Variants in ANKDD1B observed in about 807,000 individuals in gnomAD.
ANKDD1B encodes the protein ankyrin repeat and death domain-containing protein 1B.
In ANKDD1B, 57 loss-of-function variants were observed where a neutral mutation model predicts 59.7. The ratio of observed to expected loss-of-function variants is 0.95; its 90% CI spans 0.77 to 1.19. ANKDD1B has a LOEUF of 1.19. Ranked by LOEUF, ANKDD1B falls within the 50% of genes most tolerant of loss-of-function variation. ANKDD1B has a pLI of 0.00. For missense variants in ANKDD1B, 602 were observed against 641.9 expected (o/e 0.94, Z 0.67); for synonymous variants, 216 against 239.5 (o/e 0.90, Z 0.91).
chr5:75,668,283 T>C (rs187864927), intron 12 of ANKDD1B, among the ~76,000 whole-genome samples: 2 of 152,250 alleles, frequency 1.3e-5, no homozygotes, highest in East Asian at 3.9e-4. Flanking sequence ...TATAATCTAG[T>C]TGGCACAATA....
At chr5:75,664,540 A>G (rs1187937769) in intron 11 of ANKDD1B, among the ~76,000 whole-genome samples, 1 of 151,922 alleles carries the variant, frequency 6.6e-6, no homozygotes, top group Non-Finnish European at 1.5e-5. Context: ...CTCAGGCTCA[A>G]TTTCTTAAAT....
chr5:75,621,506 T>A (rs917847585), intron 3 of ANKDD1B, among the ~76,000 whole-genome samples: 2 of 152,140 alleles, frequency 1.3e-5, no homozygotes, highest in African/African-American at 4.8e-5. Flanking sequence ...GGGTATATAG[T>A]AAGTGTACGT....
intron 8 of ANKDD1B, among the ~76,000 whole-genome samples, chr5:75,654,776 T>C (rs1774922205): frequency 6.6e-6 from 1 of 152,184 alleles, no homozygotes; most frequent in Admixed American, 6.5e-5. Flanking sequence ...ATCATTAATA[T>C]CAGCTATTCC....
At chr5:75,633,519 G>C (rs1279564631) in intron 5 of ANKDD1B, among the ~76,000 whole-genome samples, 2 of 152,042 alleles carry the variant, frequency 1.3e-5, no homozygotes, top group Non-Finnish European at 2.9e-5. Flanking sequence ...ATTTTATCAA[G>C]TGTTAGATGA....
intron 7 of ANKDD1B, among the ~76,000 whole-genome samples, chr5:75,639,017 G>A (rs1271837101): frequency 6.6e-5 from 10 of 152,200 alleles, no homozygotes; most frequent in Admixed American, 6.5e-4. Context: ...ATCCTTAGAA[G>A]TAGATTGTAG....
intron 9 of ANKDD1B, among the ~76,000 whole-genome samples, chr5:75,656,785 G>A (rs1265637587): frequency 6.6e-6 from 1 of 152,198 alleles, no homozygotes; most frequent in East Asian, 1.9e-4. Flanking sequence ...CCAGGGTCCC[G>A]AGGCCAGATG....
Position 75,671,665 on chromosome 5 carries a change from A to G in ANKDD1B, c.*625A>G, listed in dbSNP as rs1579987907. 6.6e-6 allele frequency: 1 copy of G among 151,154 alleles called. No individual in the cohort carries two copies. Among genetic ancestry groups the G allele is most frequent in the East Asian group, 1.9e-4 (1 of 5,168 alleles). The allele number at this position is 151,154 out of a possible 1,614,324, so 9.4% of individuals were successfully genotyped here. ...TTAAATCACACATTTTGTGTAATAT[A>G]TTACTTAGGAAAGACCAGAAGTATG... On this transcript the variant is annotated 3_prime_UTR_variant, in exon 14 of 14. Coordinates refer to ENST00000601380, the MANE Select transcript of ANKDD1B (RefSeq NM_001276713.2).
chr5:75,654,834 C>T (rs1774924791), intron 8 of ANKDD1B, among the ~76,000 whole-genome samples: 1 of 152,144 alleles, frequency 6.6e-6, no homozygotes. Context: ...TCGTAGGCGC[C>T]TGTTCCCTCT....
intron 7 of ANKDD1B, among the ~76,000 whole-genome samples, chr5:75,641,341 G>C (rs1217842491): frequency 1.3e-5 from 2 of 152,120 alleles, no homozygotes; most frequent in African/African-American, 2.4e-5. Context: ...AGATGGTTTA[G>C]TTTCTTTTTC....
At position 75,625,881 on chromosome 5, in the gene ANKDD1B, C is replaced by T; in HGVS notation, c.526C>T (p.Gln176Ter). 8 of 1,536,346 alleles carry T rather than the reference C, an allele frequency of 5.2e-6. No individual in the cohort carries two copies. The highest frequency in any genetic ancestry group is 7.0e-6 in the Non-Finnish European group (8 of 1,146,922). The part of the protein sequence containing the change: ...DGMSALHFAT[Q>*]SNHVRIVEYL... ...AATGAGCGCCCTCCACTTTGCCACT[C>T]AGAGCAATCATGTGCGCATCGTGGA... The change falls in exon 5 of 14, where the codon CAG (glutamine) becomes TAG (stop). Residue 176 changes from glutamine to a stop codon, truncating the protein, a stop_gained. Transcript: ENST00000601380. LOFTEE classifies it high-confidence loss of function.
At chr5:75,658,328 T>A (rs1336239901) in intron 9 of ANKDD1B, among the ~76,000 whole-genome samples, 1 of 152,202 alleles carries the variant, frequency 6.6e-6, no homozygotes, top group Non-Finnish European at 1.5e-5. Flanking sequence ...TCTGGGGTAG[T>A]TGCTTCCCTT....
chr5:75,661,338 A>G (rs1480881449), intron 10 of ANKDD1B, among the ~76,000 whole-genome samples: 9 of 137,128 alleles, frequency 6.6e-5, no homozygotes, highest in Middle Eastern at 3.9e-3. Flanking sequence ...CGGAGGTTGC[A>G]GTGAGCCGAG....
Position 75,620,386 on chromosome 5 carries a change from C to G in ANKDD1B, c.369C>G (p.His123Gln). The change falls in exon 3 of 14, where the codon CAC (histidine) becomes CAG (glutamine). Residue 123 changes from histidine to glutamine, a missense_variant. Around this residue, in one of 3 missense-constraint regions of ANKDD1B, gnomAD observed 317 missense variants for 304.6 expected, o/e 1.04. Coordinates refer to ENST00000601380, the MANE Select transcript of ANKDD1B (RefSeq NM_001276713.2). ...HLSAVDFLLK[H>Q]KARVDVADKH... Reference sequence around the variant, plus strand: ...CTGCAGTGGATTTCTTGCTTAAACACAAGGCCAGGGTGGATGTTGCTGATA... The same window carrying G: ...CTGCAGTGGATTTCTTGCTTAAACAGAAGGCCAGGGTGGATGTTGCTGATA... 4 of 1,534,668 alleles carry G rather than the reference C, an allele frequency of 2.6e-6. No homozygotes were observed. Among genetic ancestry groups the G allele is most frequent in the Non-Finnish European group, 2.6e-6 (3 of 1,145,658 alleles).
At chr5:75,625,594 T>C (rs1773969380) in intron 3 of ANKDD1B, 53 bp from the exon 4 acceptor site, 1 of 1,416,808 alleles carries the variant, frequency 7.1e-7, no homozygotes, top group East Asian at 2.5e-5. Flanking sequence ...AGGCAGTATA[T>C]GGCTGCAGCT....
intron 11 of ANKDD1B, among the ~76,000 whole-genome samples, chr5:75,664,536 CT>C (rs1447715682): frequency 6.6e-6 from 1 of 152,176 alleles, no homozygotes; most frequent in East Asian, 1.9e-4. Context: ...TATCCTCAGG[CT>C]CAATTTCTTA....
At chr5:75,659,482 TG>T in intron 10 of ANKDD1B, 101 bp downstream of exon 10, 1 of 853,410 alleles carries the variant, frequency 1.2e-6, no homozygotes, top group South Asian at 1.5e-5. Context: ...CTTTGTGAAA[TG>T]GGCACAAACT....
intron 5 of ANKDD1B, among the ~76,000 whole-genome samples, chr5:75,628,814 G>C (rs909103575): frequency 6.6e-5 from 10 of 152,328 alleles, no homozygotes; most frequent in African/African-American, 2.4e-4. Flanking sequence ...CTTTCCAGGG[G>C]AGAGAGATTA....
At chr5:75,625,228 T>A (rs1048091060) in intron 3 of ANKDD1B, among the ~76,000 whole-genome samples, 1 of 152,196 alleles carries the variant, frequency 6.6e-6, no homozygotes, top group African/African-American at 2.4e-5. Context: ...CTCCTCCATA[T>A]GTAAGTGTGC....
chr5:75,636,784 C>T (rs1346333612), intron 7 of ANKDD1B, among the ~76,000 whole-genome samples: 1 of 152,010 alleles, frequency 6.6e-6, no homozygotes, highest in Non-Finnish European at 1.5e-5. Flanking sequence ...GACTTGTGAC[C>T]AGGACTTGGG....
Sources: allele counts gnomAD v4.1 joint callset (sites outside exome capture counted in the v4.1 genomes callset), GRCh38; gene constraint gnomAD v4.1.1; regional missense constraint gnomAD v4.1.1; transcripts MANE v1.5; gene names NCBI Gene and HGNC (gene_info 2026-07-23, HGNC 2026-07-21).